Variants in SBNO2 observed in about 807,000 individuals in gnomAD.
The protein encoded by SBNO2 is protein strawberry notch homolog 2.
Under a neutral mutation model 146.3 loss-of-function variants are expected in SBNO2, and 89 were observed. That is an observed-to-expected ratio of 0.61 (90% CI 0.51 to 0.73). SBNO2 has a LOEUF of 0.73. SBNO2 is among the 30% of genes least tolerant of loss of function. The pLI is 0.00. For missense variants in SBNO2, 2,092 were observed against 2,003.7 expected, an observed-to-expected ratio of 1.04 and a Z score of -0.84; for synonymous variants, 1,147 against 892.6, an observed-to-expected ratio of 1.29 and a Z score of -5.08.
chr19:1,160,556 C>G (rs868719578), intron 1 of SBNO2, among the ~76,000 whole-genome samples: 2 of 152,222 alleles, frequency 1.3e-5, no homozygotes, highest in Middle Eastern at 3.4e-3. Context: ...GCAGCCTTCG[C>G]CTCCTGGGTT....
Position 1,112,788 on chromosome 19 carries a change from G to C in SBNO2, c.2379+30C>G. The C allele has an allele frequency of 6.5e-7, 1 of 1,542,932 alleles. No individual in the cohort carries two copies. The highest frequency in any genetic ancestry group is 8.7e-7 in the Non-Finnish European group (1 of 1,144,672). On this transcript the variant is annotated intron_variant, in intron 20 of 31. Coordinates refer to ENST00000361757, the MANE Select transcript of SBNO2 (RefSeq NM_014963.3). This position sits in a 1 kb window ranked among gnomAD's most constrained non-coding sequence, Gnocchi z 5.9. ...CCCTCTGTGCCTCTTGGGTCCCGTG[G>C]GCCGCGCCCAGTGCACTGCAGCCCC... is the stretch of plus-strand genomic sequence containing the variant.
chr19:1,145,167 A>G (rs529614794), intron 4 of SBNO2, among the ~76,000 whole-genome samples: 3 of 151,930 alleles, frequency 2.0e-5, no homozygotes, highest in Non-Finnish European at 4.4e-5. Context: ...AGAGAGAGAC[A>G]GAGAAAAGAA....
chr19:1,143,893 G>A (rs767643107), intron 4 of SBNO2, among the ~76,000 whole-genome samples: 6 of 152,230 alleles, frequency 3.9e-5, no homozygotes, highest in Admixed American at 6.5e-5. Flanking sequence ...TGCAGGTCCC[G>A]TCTGCCATGA....
rs905841315 is a variant in SBNO2 at position 1,108,347 on chromosome 19, G to A, written c.3974C>T (p.Ala1325Val). ...VLEDMLRSLHAGPPSEGALGE... is the reference protein window; with the variant it reads ...VLEDMLRSLHVGPPSEGALGE... ...CAGCGCGCCCTCGGAGGGCGGCCCC[G>A]CGTGCAGCGAGCGCAGCATGTCCTC... The change falls in exon 32 of 32, where the codon GCG becomes GTG. Residue 1325 changes from alanine (A) to valine (V), a missense_variant. Coordinates refer to ENST00000361757, the MANE Select transcript of SBNO2 (RefSeq NM_014963.3). 18 of 1,304,690 alleles carry A rather than the reference G, an allele frequency of 1.4e-5. No individual in the cohort carries two copies. The highest frequency in any genetic ancestry group is 1.8e-5 in the Non-Finnish European group (18 of 1,022,348). The allele number at this position is 1,304,690 out of a possible 1,614,324, so 80.8% of individuals were successfully genotyped here.
At position 1,158,888 on chromosome 19, in the gene SBNO2, G is replaced by A. The variant is rs185254343; in HGVS notation, c.-126-4486C>T. Among the ~76,000 whole-genome samples the A allele has an allele frequency of 1.7e-3, 251 of 151,886 alleles. 5 individuals are homozygous for A. The East Asian group carries it at 0.041, about 25-fold the overall frequency. On this transcript the variant is annotated intron_variant, in intron 1 of 31. Coordinates refer to ENST00000361757, the MANE Select transcript of SBNO2 (RefSeq NM_014963.3). This position sits in a 1 kb window ranked among gnomAD's most constrained non-coding sequence, Gnocchi z 9.9. ...ATGGCCTCCTGCAGCTGTGACCGCC[G>A]CCCCACAGCCGCGACCCCACCTGCA...
chr19:1,133,913 G>A (rs2080059911), intron 4 of SBNO2, among the ~76,000 whole-genome samples: 2 of 152,222 alleles, frequency 1.3e-5, no homozygotes, highest in Admixed American at 6.5e-5. Context: ...CCTCAAAAGA[G>A]GCGAATGGGG....
Position 1,119,379 on chromosome 19 carries a change from G to A in SBNO2, c.1373+137C>T, listed in dbSNP as rs1005247840. ...TGGGAGTGCTGGGCAGCCCGAGGCA[G>A]TGAAACGAGCGACCCACATTCAGCA... On this transcript the variant is annotated intron_variant, in intron 13 of 31. Coordinates refer to ENST00000361757, the MANE Select transcript of SBNO2 (RefSeq NM_014963.3). 2.2e-5 allele frequency: 19 copies of A among 873,924 alleles called. 1 individual carries two copies. The Admixed American group carries it at 3.1e-4, about 14-fold the overall frequency. 54.1% of individuals were successfully genotyped at this position (873,924 alleles called of 1,614,324 possible).
At chr19:1,155,574 G>T (rs2080283014) in intron 1 of SBNO2, among the ~76,000 whole-genome samples, 1 of 152,196 alleles carries the variant, frequency 6.6e-6, no homozygotes, top group Non-Finnish European at 1.5e-5. Flanking sequence ...TGGGATCTGG[G>T]GTCTTGGCCA....
rs1215869764 is a variant in SBNO2, at chr19:1,122,131, C to T, written c.1149+8G>A. 9.2e-6 allele frequency: 13 copies of T among 1,411,998 alleles called. No homozygotes were observed. The highest frequency in any genetic ancestry group is 1.1e-5 in the Non-Finnish European group (12 of 1,075,884). 87.5% of individuals were successfully genotyped at this position (1,411,998 alleles called of 1,614,324 possible). A position where few individuals can be genotyped will look rare whatever the true frequency, so the allele number is the denominator to read the frequency against. On this transcript the variant is annotated splice_region_variant and intron_variant, in intron 11 of 31. Coordinates refer to ENST00000361757, the MANE Select transcript of SBNO2 (RefSeq NM_014963.3). ...GCCCTCCCCTCCCGATTGCCCCCAG[C>T]AGGATACGACGCCCTCGAAGGCCTC...
At chr19:1,155,509 G>A (rs916135538) in intron 1 of SBNO2, among the ~76,000 whole-genome samples, 8 of 152,214 alleles carry the variant, frequency 5.3e-5, no homozygotes, top group African/African-American at 1.2e-4. Context: ...AGCTGCCCAC[G>A]GGGACCTGCG....
At chr19:1,149,273 T>G in intron 3 of SBNO2, 96 bp downstream of exon 3, 1 of 1,160,760 alleles carries the variant, frequency 8.6e-7, no homozygotes, top group Non-Finnish European at 1.2e-6. Context: ...CAACAAGACT[T>G]TGGGCCCTCG....
chr19:1,131,504 A>T (rs1390641988), intron 4 of SBNO2, among the ~76,000 whole-genome samples: 2 of 152,176 alleles, frequency 1.3e-5, no homozygotes, highest in African/African-American at 4.8e-5. Context: ...AGCCAACTCC[A>T]GACCTGACTC....
intron 1 of SBNO2, among the ~76,000 whole-genome samples, chr19:1,156,395 G>A (rs1568629677): frequency 6.6e-6 from 1 of 152,144 alleles, no homozygotes; most frequent in Non-Finnish European, 1.5e-5. Context: ...CGGACACCAG[G>A]CACAACCAAC....
chr19:1,120,686 T>C (rs1293737849), intron 11 of SBNO2, among the ~76,000 whole-genome samples: 2 of 152,058 alleles, frequency 1.3e-5, no homozygotes, highest in African/African-American at 2.4e-5. Flanking sequence ...TTGTTTTTTT[T>C]TGAGACGAAG....
chr19:1,110,712 C>T lies in SBNO2; in HGVS notation c.3028+33G>A, dbSNP rs2079746891. ...GTTCCCACGAGCCCCGCACCCACACCCACCCACACCACACCCCGGCACCTG... is the reference window on the plus strand; with the variant it reads ...GTTCCCACGAGCCCCGCACCCACACTCACCCACACCACACCCCGGCACCTG... On this transcript the variant is annotated intron_variant, in intron 26 of 31. Coordinates refer to ENST00000361757, the MANE Select transcript of SBNO2 (RefSeq NM_014963.3). This position sits in a 1 kb window ranked among gnomAD's most constrained non-coding sequence, Gnocchi z 4.9. 6.2e-7 allele frequency: 1 copy of T among 1,611,180 alleles called. No individual in the cohort carries two copies. Among genetic ancestry groups the T allele is most frequent in the Non-Finnish European group, 8.5e-7 (1 of 1,178,316 alleles).
In SBNO2 at chr19:1,127,600, T is replaced by C. The variant is rs766198453; in HGVS notation, c.441+4A>G. The C allele has an allele frequency of 1.2e-6, 2 of 1,611,722 alleles. No individual in the cohort carries two copies. Among genetic ancestry groups the C allele is most frequent in the Non-Finnish European group, 1.7e-6 (2 of 1,179,578 alleles). ...GGCTGGCTGGGGGCACCGGGCGCACTGACCTTATCGTGGGTGGAGGGGGCA... is the reference window on the plus strand; with the variant it reads ...GGCTGGCTGGGGGCACCGGGCGCACCGACCTTATCGTGGGTGGAGGGGGCA... On this transcript the variant is annotated splice_donor_region_variant and intron_variant, in intron 5 of 31. Transcript: ENST00000361757.
At chr19:1,142,070 A>G (rs908365956) in intron 4 of SBNO2, among the ~76,000 whole-genome samples, 16 of 95,994 alleles carry the variant, frequency 1.7e-4, no homozygotes, top group African/African-American at 2.8e-4. Flanking sequence ...CCTCCCCTCA[A>G]TGGCCTCCCT....
chr19:1,166,323 C>T (rs1260101678), intron 1 of SBNO2, among the ~76,000 whole-genome samples: 2 of 152,086 alleles, frequency 1.3e-5, no homozygotes, highest in African/African-American at 4.8e-5. Context: ...AAACAGCCTC[C>T]AGGCCGGGCT....
intron 4 of SBNO2, among the ~76,000 whole-genome samples, chr19:1,131,366 G>A (rs117438686): frequency 1.0e-3 from 158 of 152,290 alleles, no homozygotes; most frequent in Non-Finnish European, 1.8e-3. Flanking sequence ...GGGGCTGCCC[G>A]CTGTGGTTCT....
Sources: gnomAD v4.1 joint callset for allele counts (sites outside exome capture counted in the v4.1 genomes callset) on GRCh38, gnomAD v4.1.1 for gene constraint, Gnocchi (gnomAD v3.1) non-coding constraint, MANE v1.5 for transcripts, NCBI Gene and HGNC (gene_info 2026-07-23, HGNC 2026-07-21) for gene names.